SAMD12: variants seen among roughly 807,000 people sequenced by gnomAD.
SAMD12 encodes the protein sterile alpha motif domain containing 12, also known as sterile alpha motif domain-containing protein 12.
Under a neutral mutation model 15.0 loss-of-function variants are expected in SAMD12, and 9 were observed. The observed-to-expected ratio is 0.60, with a 90% CI of 0.36 to 1.05. The LOEUF is 1.05. Ranked by LOEUF, SAMD12 falls within the 50% of genes least tolerant of loss-of-function variation. The pLI is 0.01. For missense variants in SAMD12, 230 were observed against 234.2 expected (o/e 0.98, Z 0.12); for synonymous variants, 86 against 90.1 (o/e 0.96, Z 0.25).
At chr8:118,446,818 T>G (rs1435069686) in intron 2 of SAMD12, among the ~76,000 whole-genome samples, 2 of 152,118 alleles carry the variant, frequency 1.3e-5, no homozygotes, top group East Asian at 3.8e-4. Context: ...TCATGGCTTG[T>G]TTTTTGGTTT....
intron 2 of SAMD12, among the ~76,000 whole-genome samples, chr8:118,483,993 T>C (rs1824205439): frequency 6.6e-6 from 1 of 152,212 alleles, no homozygotes; most frequent in Non-Finnish European, 1.5e-5. Flanking sequence ...TGAGAAAATG[T>C]CTAGCTATAT....
At chr8:118,152,478 T>A in the SAMD12 span, among the ~76,000 whole-genome samples, 4 of 148,458 alleles carry the variant, frequency 2.7e-5, no homozygotes, top group Non-Finnish European at 6.0e-5. Context: ...CTTCCTTCCT[T>A]CCTTCCTTCC....
chr8:118,148,799 C>T, the SAMD12 span, among the ~76,000 whole-genome samples: 2 of 152,204 alleles, frequency 1.3e-5, no homozygotes, highest in Non-Finnish European at 2.9e-5. Flanking sequence ...TTATTTACAT[C>T]TTTCTTGTTT....
intron 2 of SAMD12, among the ~76,000 whole-genome samples, chr8:118,524,289 C>T (rs540666145): frequency 6.6e-6 from 1 of 152,158 alleles, no homozygotes; most frequent in East Asian, 1.9e-4. Flanking sequence ...TTCTCAGGCG[C>T]CGTAATTAAC....
chr8:118,581,005 G>T lies in SAMD12; in HGVS notation c.14-112C>A, dbSNP rs1025015064. On this transcript the variant is annotated intron_variant, in intron 1 of 3. Coordinates refer to ENST00000314727, the MANE Select transcript of SAMD12 (RefSeq NM_207506.3). ...GAAAAAAACGAGGCATCTATGAGTC[G>T]AGAGGTGGTGTGATTACTACGATAA... is the stretch of plus-strand genomic sequence containing the variant. 106 of 714,816 alleles carry T rather than the reference G, an allele frequency of 1.5e-4. 1 individual carries two copies. In the African/African-American group the frequency reaches 1.7e-3, roughly 12 times the overall value. 44.3% of individuals were successfully genotyped at this position (714,816 alleles called of 1,614,324 possible).
Position 118,439,922 on chromosome 8 carries a change from T to C in SAMD12, c.232A>G (p.Thr78Ala), listed in dbSNP as rs766476128. The C allele has an allele frequency of 1.2e-6, 2 of 1,613,680 alleles. No homozygotes were observed. The highest frequency in any genetic ancestry group is 3.3e-5 in the Admixed American group (2 of 59,996). ...AACCACTTGCAGACATCCTGCTGGG[T>C]CCATAGAGCCACCGGTTTAGATAGC... ...VKLSKPVALW[T>A]QQDVCKWLKK... The change falls in exon 3 of 4, where the codon ACC becomes GCC. Residue 78 changes from threonine to alanine, a missense_variant. Transcript: ENST00000314727.
At chr8:118,263,085 C>G (rs1305643839) in intron 4 of SAMD12, among the ~76,000 whole-genome samples, 3 of 151,922 alleles carry the variant, frequency 2.0e-5, no homozygotes, top group Admixed American at 1.3e-4. Flanking sequence ...TGCCTGCCAC[C>G]CTTGTTTTAT....
At chr8:118,201,771 T>C (rs1819722298) in intron 4 of SAMD12, among the ~76,000 whole-genome samples, 1 of 152,240 alleles carries the variant, frequency 6.6e-6, no homozygotes, top group Non-Finnish European at 1.5e-5. Flanking sequence ...ATGTACATCC[T>C]GGGGGCTGTC....
At chr8:118,556,036 T>A (rs1422007458) in intron 2 of SAMD12, among the ~76,000 whole-genome samples, 1 of 152,196 alleles carries the variant, frequency 6.6e-6, no homozygotes, top group Admixed American at 6.5e-5. Flanking sequence ...ATAAGTCACA[T>A]CCTGAGAATG....
At chr8:118,321,866 G>T (rs951706420) in intron 4 of SAMD12, among the ~76,000 whole-genome samples, 2 of 152,138 alleles carry the variant, frequency 1.3e-5, no homozygotes, top group Non-Finnish European at 2.9e-5. Flanking sequence ...ACAGGTAATT[G>T]TAAGGTTTAA....
At chr8:118,601,153 GA>G (rs1220185324) in intron 1 of SAMD12, among the ~76,000 whole-genome samples, 3 of 151,920 alleles carry the variant, frequency 2.0e-5, no homozygotes, top group East Asian at 1.9e-4. Flanking sequence ...AATTCATGAA[GA>G]TTTTTTTTTA....
At chr8:118,201,371 C>CGTCA in intron 4 of SAMD12, among the ~76,000 whole-genome samples, 1 of 152,246 alleles carries the variant, frequency 6.6e-6, no homozygotes, top group Admixed American at 6.5e-5. Flanking sequence ...CCACCTAGAG[C>CGTCA]GTCACTTCCT....
intron 2 of SAMD12, among the ~76,000 whole-genome samples, chr8:118,499,988 T>C (rs1824734195): frequency 6.8e-6 from 1 of 146,798 alleles, no homozygotes; most frequent in African/African-American, 2.5e-5. Flanking sequence ...CACATCAGAG[T>C]AGACAGTGAT....
intron 1 of SAMD12, among the ~76,000 whole-genome samples, chr8:118,608,492 T>G (rs1045013091): frequency 3.3e-5 from 5 of 152,096 alleles, no homozygotes; most frequent in Non-Finnish European, 7.3e-5. Flanking sequence ...CGTAGAAGGA[T>G]AGAAGGATCT....
intron 3 of SAMD12, among the ~76,000 whole-genome samples, chr8:118,438,833 T>C (rs1400752406): frequency 6.6e-6 from 1 of 152,106 alleles, no homozygotes; most frequent in African/African-American, 2.4e-5. Context: ...AGTGAAAGCA[T>C]TTTCTCAGAA....
chr8:118,596,633 A>T (rs1319347129), intron 1 of SAMD12, among the ~76,000 whole-genome samples: 1 of 151,858 alleles, frequency 6.6e-6, no homozygotes, highest in Non-Finnish European at 1.5e-5. Flanking sequence ...TCACTGGCAA[A>T]CTCCATGCTC....
intron 2 of SAMD12, among the ~76,000 whole-genome samples, chr8:118,473,995 A>G (rs1437485264): frequency 2.0e-5 from 3 of 152,140 alleles, no homozygotes; most frequent in Admixed American, 6.6e-5. Context: ...GTCTCATTCT[A>G]TAGCCCAGGC....
chr8:118,381,668 G>T (rs1819677299), intron 3 of SAMD12, among the ~76,000 whole-genome samples: 4 of 152,164 alleles, frequency 2.6e-5, no homozygotes, highest in Non-Finnish European at 4.4e-5. Flanking sequence ...GCCTCTAAAA[G>T]CTGGAAAAGG....
intron 2 of SAMD12, among the ~76,000 whole-genome samples, chr8:118,505,311 T>C (rs569383206): frequency 2.0e-3 from 297 of 151,810 alleles, no homozygotes; most frequent in Non-Finnish European, 3.6e-3. Flanking sequence ...GCTTCTTTAG[T>C]ATCTATTGTC....
Sources: gnomAD v4.1 joint callset for allele counts (sites outside exome capture counted in the v4.1 genomes callset) on GRCh38, gnomAD v4.1.1 for gene constraint, MANE v1.5 for transcripts, NCBI Gene and HGNC (gene_info 2026-07-23, HGNC 2026-07-21) for gene names.